The following ADGRB3 variants were observed in gnomAD, a reference collection of about 807,000 sequenced individuals.
ADGRB3 encodes the protein brain-specific angiogenesis inhibitor 3.
ADGRB3 carries 37 observed loss-of-function variants against 193.4 expected under a neutral mutation model. That is an observed-to-expected ratio of 0.19 (90% CI 0.15 to 0.25). ADGRB3 has a LOEUF of 0.25. Among genes scored for constraint, ADGRB3 ranks in the 10% least tolerant of loss-of-function variants. ADGRB3 has a pLI of 1.00. For missense variants in ADGRB3, 1,637 were observed against 1,852.9 expected, an observed-to-expected ratio of 0.88 and a Z score of 2.14; for synonymous variants, 690 against 644.2, an observed-to-expected ratio of 1.07 and a Z score of -1.08.
chr6:69,232,686 G>A (rs1766169519), intron 17 of ADGRB3: 4 of 1,402,050 alleles, frequency 2.9e-6, no homozygotes, highest in Admixed American at 4.1e-5. Flanking sequence ...GTCGGAACCA[G>A]CTGATGCCGC....
chr6:69,139,879 T>C (rs1418449657), intron 17 of ADGRB3, among the ~76,000 whole-genome samples: 1 of 152,236 alleles, frequency 6.6e-6, no homozygotes, highest in Non-Finnish European at 1.5e-5. Flanking sequence ...TTTTCTATTT[T>C]GAAGGTAATT....
chr6:68,878,631 G>T lies in ADGRB3; in HGVS notation c.758-51928G>T, dbSNP rs540711790. On this transcript the variant is annotated intron_variant, in intron 3 of 31. Transcript: ENST00000370598. Reference sequence around the variant, plus strand: ...TGTAAAAGTCATGTAGTTCCATGAAGACAGTATCCAAAAGTATGGGTACTC... The same window carrying T: ...TGTAAAAGTCATGTAGTTCCATGAATACAGTATCCAAAAGTATGGGTACTC... Among the ~76,000 whole-genome samples the T allele has an allele frequency of 2.3e-3, 343 of 152,262 alleles. 2 individuals are homozygous for T. The highest frequency in any genetic ancestry group is 7.1e-3 in the Admixed American group (109 of 15,294).
intron 20 of ADGRB3, among the ~76,000 whole-genome samples, chr6:69,279,922 G>GA (rs879586199): frequency 4.3e-4 from 65 of 150,922 alleles, no homozygotes; most frequent in Admixed American, 1.1e-3. Context: ...CCTCCAACAA[G>GA]AAAAAAAAAT....
chr6:69,376,120 T>TGGCTTTGTTAC (rs1769815009), intron 30 of ADGRB3, among the ~76,000 whole-genome samples: 1 of 115,338 alleles, frequency 8.7e-6, no homozygotes, highest in Non-Finnish European at 1.7e-5. Context: ...TGACAGAGGC[T>TGGCTTTGTTAC]GGCTTTGTTA....
chr6:68,994,036 A>G, intron 11 of ADGRB3, 74 bp downstream of exon 11: 1 of 1,468,578 alleles, frequency 6.8e-7, no homozygotes, highest in East Asian at 2.3e-5. Context: ...AAGCCAGTGC[A>G]GCCGTCTTGG....
At chr6:68,792,135 T>G (rs1767119251) in intron 3 of ADGRB3, among the ~76,000 whole-genome samples, 2 of 152,210 alleles carry the variant, frequency 1.3e-5, no homozygotes, top group African/African-American at 4.8e-5. Context: ...TACACCAGGT[T>G]TCTCTATAGA....
At chr6:69,052,304 A>G (rs1314233519) in intron 15 of ADGRB3, among the ~76,000 whole-genome samples, 2 of 152,230 alleles carry the variant, frequency 1.3e-5, no homozygotes, top group African/African-American at 4.8e-5. Flanking sequence ...AAAGATGTGT[A>G]TTTTGTAATT....
intron 3 of ADGRB3, among the ~76,000 whole-genome samples, chr6:68,791,754 G>A (rs533195122): frequency 6.6e-6 from 1 of 152,252 alleles, no homozygotes; most frequent in African/African-American, 2.4e-5. Context: ...CAAGGTAAAG[G>A]TATTATTCAA....
rs544868651 is a variant in ADGRB3 at position 69,013,727 on chromosome 6, T to C, written c.1930-311T>C. 2.6e-5 allele frequency among the ~76,000 whole-genome samples: 4 copies of C among 152,178 alleles called. No individual in the cohort carries two copies. The South Asian group carries it at 6.2e-4, about 24-fold the overall frequency. On this transcript the variant is annotated intron_variant, in intron 11 of 31. Transcript: ENST00000370598. ...TCATTACAGACGGGATCAAACTTAC[T>C]TGTATGGAATAATTACACAATGACA... is the stretch of plus-strand genomic sequence containing the variant.
At chr6:69,065,794 CACACAT>C (rs1477188192) in intron 16 of ADGRB3, among the ~76,000 whole-genome samples, 6 of 151,328 alleles carry the variant, frequency 4.0e-5, no homozygotes, top group Non-Finnish European at 5.9e-5. Context: ...CACACACACA[CACACAT>C]ATGTACATAT....
At chr6:68,643,747 G>A (rs1582092998) in intron 3 of ADGRB3, among the ~76,000 whole-genome samples, 7 of 151,604 alleles carry the variant, frequency 4.6e-5, no homozygotes, top group Non-Finnish European at 1.0e-4. Flanking sequence ...GCCTGGCCAA[G>A]ATGGTGAAAC....
At chr6:69,239,406 C>T (rs539681558) in intron 20 of ADGRB3, among the ~76,000 whole-genome samples, 180 bp downstream of exon 20, 1 of 151,994 alleles carries the variant, frequency 6.6e-6, no homozygotes, top group East Asian at 1.9e-4. Flanking sequence ...AGAATGTATA[C>T]CCTTGATTTA....
At chr6:68,948,654 G>A (rs1186507344) in intron 6 of ADGRB3, among the ~76,000 whole-genome samples, 1 of 151,980 alleles carries the variant, frequency 6.6e-6, no homozygotes, top group Non-Finnish European at 1.5e-5. Flanking sequence ...AATATTAGAG[G>A]AGCTAATGAT....
intron 17 of ADGRB3, among the ~76,000 whole-genome samples, chr6:69,175,905 G>T (rs1775407120): frequency 6.6e-6 from 1 of 152,036 alleles, no homozygotes; most frequent in East Asian, 1.9e-4. Flanking sequence ...ATTGTAAATG[G>T]GATTGCATTC....
At chr6:69,019,935 G>A (rs183491278) in intron 13 of ADGRB3, among the ~76,000 whole-genome samples, 86 of 152,104 alleles carry the variant, frequency 5.7e-4, no homozygotes, top group African/African-American at 2.0e-3. Context: ...AAAGTCCATA[G>A]GAACGGTATA....
intron 3 of ADGRB3, among the ~76,000 whole-genome samples, chr6:68,690,962 T>G (rs1205049293): frequency 1.3e-5 from 2 of 152,170 alleles, no homozygotes; most frequent in Non-Finnish European, 1.5e-5. Context: ...TTTCATTAAA[T>G]CGGGCCAGTA....
At chr6:69,242,210 T>A (rs983388878) in intron 20 of ADGRB3, among the ~76,000 whole-genome samples, 1 of 151,946 alleles carries the variant, frequency 6.6e-6, no homozygotes, top group Non-Finnish European at 1.5e-5. Flanking sequence ...AAACTTATGA[T>A]GTGCATAAAC....
chr6:68,871,199 T>C (rs1193776221), intron 3 of ADGRB3, among the ~76,000 whole-genome samples: 1 of 152,224 alleles, frequency 6.6e-6, no homozygotes, highest in Non-Finnish European at 1.5e-5. Context: ...CTTGTGCAGA[T>C]AGAAAAAGCA....
rs377037969 is a variant in ADGRB3 at position 69,204,258 on chromosome 6, G to C, written c.2481-29032G>C. On this transcript the variant is annotated intron_variant, in intron 17 of 31. Coordinates refer to ENST00000370598, the MANE Select transcript of ADGRB3 (RefSeq NM_001704.3). ...TTCCATGAAGCAAAGTGTTTCCTTT[G>C]GACATTATATTTTTTTATTGATACT... Among the ~76,000 whole-genome samples the C allele has an allele frequency of 1.2e-3, 185 of 152,014 alleles. 2 individuals are homozygous for C. In the South Asian group the frequency reaches 0.03, roughly 25 times the overall value.
Sources: allele counts gnomAD v4.1 joint callset (sites outside exome capture counted in the v4.1 genomes callset), GRCh38; gene constraint gnomAD v4.1.1; transcripts MANE v1.5; gene names NCBI Gene and HGNC (gene_info 2026-07-23, HGNC 2026-07-21).